The following SAFB2 variants were observed in gnomAD, a reference collection of about 807,000 sequenced individuals.
SAFB2 encodes the protein scaffold attachment factor B2.
Under a neutral mutation model 100.6 loss-of-function variants are expected in SAFB2, and 32 were observed. The observed-to-expected ratio is 0.32, with a 90% CI of 0.24 to 0.43. The LOEUF is 0.43. Ranked by LOEUF, SAFB2 falls within the 20% of genes least tolerant of loss-of-function variation. The probability of loss-of-function intolerance (pLI) is 1.00; values close to 1 mark genes in which losing one functional copy is unlikely to be tolerated. For synonymous variants in SAFB2, 500 were observed against 439.4 expected, an observed-to-expected ratio of 1.14 and a Z score of -1.72; for missense variants, 1,185 against 1,163.4, an observed-to-expected ratio of 1.02 and a Z score of -0.27.
At chr19:5,617,387 G>A (rs976850645) in intron 2 of SAFB2, among the ~76,000 whole-genome samples, 5 of 152,118 alleles carry the variant, frequency 3.3e-5, no homozygotes, top group Non-Finnish European at 7.3e-5. Context: ...GCAAAAGGAG[G>A]CCAGAGGAGT....
intron 4 of SAFB2, chr19:5,613,764 G>A: frequency 1.0e-6 from 1 of 985,040 alleles, no homozygotes; most frequent in Non-Finnish European, 1.2e-6. Flanking sequence ...TGTCTGTACT[G>A]GGTGAATGAA....
At position 5,610,620 on chromosome 19, in the gene SAFB2, A is replaced by G. The variant is rs1330058170; in HGVS notation, c.1195+19T>C. 1.3e-6 allele frequency: 2 copies of G among 1,546,360 alleles called. No homozygotes were observed. Among genetic ancestry groups the G allele is most frequent in the African/African-American group, 2.7e-5 (2 of 73,004 alleles). On this transcript the variant is annotated intron_variant, in intron 8 of 20. Transcript: ENST00000252542. ...AGGGAACCATACCTGGCTCCCTACC[A>G]CGTTAAATTAAATCATACCTTTTTC...
At chr19:5,617,510 T>A (rs936632856) in intron 2 of SAFB2, among the ~76,000 whole-genome samples, 4 of 151,882 alleles carry the variant, frequency 2.6e-5, no homozygotes, top group African/African-American at 9.7e-5. Context: ...TGACAAGGAG[T>A]TCAAAACATA....
chr19:5,617,925 T>C (rs1473616713), intron 2 of SAFB2, among the ~76,000 whole-genome samples: 2 of 152,156 alleles, frequency 1.3e-5, no homozygotes, highest in South Asian at 2.1e-4. Context: ...GTGGCTCGCT[T>C]GAGCCTAGGA....
chr19:5,605,745 C>T (rs1018053160), intron 9 of SAFB2, among the ~76,000 whole-genome samples: 4 of 152,216 alleles, frequency 2.6e-5, no homozygotes, highest in Non-Finnish European at 5.9e-5. Context: ...ACGTAGGCAA[C>T]GACAGTTTTC....
rs540260056 is a variant in SAFB2, at chr19:5,589,497, G to A, written c.2525+781C>T. Among the ~76,000 whole-genome samples, 6 of 152,170 alleles carry A rather than the reference G, an allele frequency of 3.9e-5. No individual in the cohort carries two copies. The South Asian group carries it at 1.2e-3, about 32-fold the overall frequency. Reference sequence around the variant, plus strand: ...GTGGCGCTGGGCAGGGTCCGAGGCAGCCCTGGGCCAGGGCTGGAGACAAGA... The same window carrying A: ...GTGGCGCTGGGCAGGGTCCGAGGCAACCCTGGGCCAGGGCTGGAGACAAGA... On this transcript the variant is annotated intron_variant, in intron 18 of 20. Transcript: ENST00000252542.
At chr19:5,604,353 C>T (rs1239227825) in intron 11 of SAFB2, among the ~76,000 whole-genome samples, 1 of 152,196 alleles carries the variant, frequency 6.6e-6, no homozygotes, top group Non-Finnish European at 1.5e-5. Context: ...TGCAGTGCCA[C>T]TGCACTCCAG....
rs2052885204 is a variant in SAFB2, at chr19:5,610,477, G to A, written c.1195+162C>T. On this transcript the variant is annotated intron_variant, in intron 8 of 20. Transcript: ENST00000252542. ...AGAGAAACATAAAATGCAGGTGCTT[G>A]CGAACTTCTAAAACTAGTCTCTCAA... The A allele has an allele frequency of 2.3e-5, 15 of 643,832 alleles. No individual in the cohort carries two copies. The South Asian group carries it at 2.4e-4, about 10-fold the overall frequency. 39.9% of individuals were successfully genotyped at this position (643,832 alleles called of 1,614,324 possible).
intron 14 of SAFB2, 102 bp from the exon 15 acceptor site, chr19:5,594,280 T>C (rs1354890289): frequency 3.8e-6 from 5 of 1,328,856 alleles, no homozygotes; most frequent in Non-Finnish European, 4.0e-6. Context: ...AAAAAAAAAA[T>C]GGATCCAAAA....
At chr19:5,622,472 T>C in intron 1 of SAFB2, 58 bp downstream of exon 1, 1 of 1,484,238 alleles carries the variant, frequency 6.7e-7, no homozygotes, top group Non-Finnish European at 9.0e-7. Context: ...CGGTGACAGG[T>C]GCAGGCGGGG....
At chr19:5,616,366 C>T (rs2053030785) in intron 3 of SAFB2, 31 bp from the exon 4 acceptor site, 2 of 1,613,876 alleles carry the variant, frequency 1.2e-6, no homozygotes, top group South Asian at 2.2e-5. Context: ...CGTTAACGAC[C>T]ACCTGGACCA....
At chr19:5,616,534 CATA>C (rs763215988) in intron 2 of SAFB2, 48 bp from the exon 3 acceptor site, 22 of 1,483,492 alleles carry the variant, frequency 1.5e-5, no homozygotes, top group Non-Finnish European at 2.1e-5. Context: ...AGTTCTACCT[CATA>C]ATTAGTTTAT....
chr19:5,601,839 G>A (rs1334037455), intron 11 of SAFB2, among the ~76,000 whole-genome samples: 14 of 152,264 alleles, frequency 9.2e-5, no homozygotes, highest in African/African-American at 3.4e-4. Flanking sequence ...TTATTCATCT[G>A]CTTTCCTTCC....
chr19:5,608,538 C>A (rs1336861999), intron 9 of SAFB2, among the ~76,000 whole-genome samples: 1 of 152,302 alleles, frequency 6.6e-6, no homozygotes, highest in Non-Finnish European at 1.5e-5. Flanking sequence ...TTCTCCGGGT[C>A]CTGTCCGCTT....
At chr19:5,614,421 G>A (rs201560237) in intron 4 of SAFB2, among the ~76,000 whole-genome samples, 6 of 151,976 alleles carry the variant, frequency 3.9e-5, no homozygotes, top group African/African-American at 7.3e-5. Flanking sequence ...TCCTTTTCTC[G>A]ATTTGAACTC....
At chr19:5,590,981 A>T (rs1413112338) in intron 17 of SAFB2, among the ~76,000 whole-genome samples, 1 of 152,172 alleles carries the variant, frequency 6.6e-6, no homozygotes, top group Non-Finnish European at 1.5e-5. Flanking sequence ...GGCACCACAG[A>T]GACTCAGGGA....
intron 4 of SAFB2, among the ~76,000 whole-genome samples, 190 bp downstream of exon 4, chr19:5,615,942 C>G (rs2053018556): frequency 6.6e-6 from 1 of 152,248 alleles, no homozygotes; most frequent in Admixed American, 6.5e-5. Context: ...CCCAGTGCTA[C>G]AGAAAAGCTA....
At chr19:5,617,433 C>G (rs2053056216) in intron 2 of SAFB2, among the ~76,000 whole-genome samples, 1 of 152,140 alleles carries the variant, frequency 6.6e-6, no homozygotes, top group South Asian at 2.1e-4. Flanking sequence ...ACTTGAGGCT[C>G]TATATGTATC....
intron 15 of SAFB2, chr19:5,593,607 G>C (rs1417118049): frequency 5.1e-6 from 2 of 395,554 alleles, no homozygotes; most frequent in African/African-American, 2.1e-5. Context: ...CCACGGGTAA[G>C]TGGAGAGGAA....
Sources: allele counts gnomAD v4.1 joint callset (sites outside exome capture counted in the v4.1 genomes callset), GRCh38; gene constraint gnomAD v4.1.1; transcripts MANE v1.5; gene names NCBI Gene and HGNC (gene_info 2026-07-23, HGNC 2026-07-21).